The following STARD13 variants were observed in gnomAD, a reference collection of about 807,000 sequenced individuals.
STARD13 encodes the protein StAR related lipid transfer domain containing 13.
Under a neutral mutation model 106.4 loss-of-function variants are expected in STARD13, and 62 were observed. The observed-to-expected ratio is 0.58, with a 90% CI of 0.48 to 0.72. The LOEUF (loss-of-function observed/expected upper bound fraction) is 0.72, where lower values mean the gene tolerates loss of function less well. STARD13 is among the 30% of genes least tolerant of loss of function. STARD13 has a pLI of 0.00. For synonymous variants in STARD13, 565 were observed against 553.0 expected (o/e 1.02, Z -0.31); for missense variants, 1,387 against 1,424.0 (o/e 0.97, Z 0.42).
intron 5 of STARD13, 53 bp from the exon 6 acceptor site, chr13:33,127,599 G>A: frequency 6.7e-7 from 1 of 1,485,854 alleles, no homozygotes; most frequent in Non-Finnish European, 8.9e-7. Context: ...CTTGGTAGCG[G>A]GAAACACGGG....
At chr13:33,438,257 C>T in the STARD13 span, among the ~76,000 whole-genome samples, 7 of 152,210 alleles carry the variant, frequency 4.6e-5, no homozygotes, top group Non-Finnish European at 1.0e-4. Flanking sequence ...ACAGGCTGCT[C>T]ATTAGTGTAA....
At chr13:33,201,607 C>T (rs1312646494) in intron 1 of STARD13, among the ~76,000 whole-genome samples, 4 of 152,196 alleles carry the variant, frequency 2.6e-5, no homozygotes, top group Non-Finnish European at 4.4e-5. Flanking sequence ...TTTGAATCTC[C>T]AGCTCTCCAT....
the STARD13 span, among the ~76,000 whole-genome samples, chr13:33,549,413 A>T: frequency 6.6e-6 from 1 of 152,354 alleles, no homozygotes; most frequent in Admixed American, 6.5e-5. Flanking sequence ...AGAAATACAC[A>T]TTCTTGTCCC....
the STARD13 span, among the ~76,000 whole-genome samples, chr13:33,525,470 AG>A: frequency 4.6e-5 from 7 of 152,130 alleles, no homozygotes; most frequent in African/African-American, 1.4e-4. Context: ...ATATTTCTGA[AG>A]GTTAACTATG....
chr13:33,496,149 TATG>T, the STARD13 span, among the ~76,000 whole-genome samples: 42,445 of 143,360 alleles, frequency 0.3, 7,111 homozygotes, highest in Non-Finnish European at 0.39. Context: ...CATTTTAATT[TATG>T]ATTTTATAAT....
the STARD13 span, among the ~76,000 whole-genome samples, chr13:33,518,988 A>T: frequency 1.3e-5 from 2 of 152,064 alleles, no homozygotes; most frequent in African/African-American, 4.8e-5. Flanking sequence ...CCAAACATCT[A>T]AACCTCCTAG....
intron 10 of STARD13, 104 bp from the exon 11 acceptor site, chr13:33,111,011 G>A (rs1874473917): frequency 1.0e-6 from 1 of 973,194 alleles, no homozygotes; most frequent in East Asian, 2.6e-5. Flanking sequence ...TGAGCCACGG[G>A]CCGAGGGCCA....
At chr13:33,663,991 A>G in the STARD13 span, among the ~76,000 whole-genome samples, 1 of 152,266 alleles carries the variant, frequency 6.6e-6, no homozygotes, top group Non-Finnish European at 1.5e-5. Flanking sequence ...ACGGGAAGGG[A>G]AGCATCCAAA....
intron 1 of STARD13, among the ~76,000 whole-genome samples, chr13:33,260,931 G>A (rs80237139): frequency 4.1e-4 from 62 of 152,214 alleles, no homozygotes; most frequent in African/African-American, 1.3e-3. Flanking sequence ...CGTCCTTCCC[G>A]TCTTCATTAG....
At chr13:33,602,143 G>A in the STARD13 span, among the ~76,000 whole-genome samples, 1 of 150,170 alleles carries the variant, frequency 6.7e-6, no homozygotes, top group Non-Finnish European at 1.5e-5. Flanking sequence ...CCAGGCTGGA[G>A]TGCAGTGACA....
the STARD13 span, among the ~76,000 whole-genome samples, chr13:33,426,658 A>G: frequency 1.3e-4 from 20 of 152,230 alleles, no homozygotes; most frequent in African/African-American, 3.6e-4. Flanking sequence ...CTTTTTATTT[A>G]TTACACTTGA....
At chr13:33,591,546 G>A in the STARD13 span, among the ~76,000 whole-genome samples, 1,015 of 152,264 alleles carry the variant, frequency 6.7e-3, 6 homozygotes, top group African/African-American at 0.023. Flanking sequence ...GAAGGGAGAG[G>A]CATTTTATTT....
the STARD13 span, among the ~76,000 whole-genome samples, chr13:33,526,439 CA>C: frequency 6.6e-6 from 1 of 152,086 alleles, no homozygotes; most frequent in African/African-American, 2.4e-5. Context: ...GGTGAACACT[CA>C]ATACATATTT....
intron 1 of STARD13, among the ~76,000 whole-genome samples, chr13:33,258,567 A>G (rs1890484211): frequency 6.6e-6 from 1 of 152,190 alleles, no homozygotes; most frequent in African/African-American, 2.4e-5. Context: ...AAAACATTTC[A>G]GGCTATTTCT....
At chr13:33,282,622 A>G (rs1891847969) in intron 1 of STARD13, among the ~76,000 whole-genome samples, 1 of 152,250 alleles carries the variant, frequency 6.6e-6, no homozygotes. Flanking sequence ...CTAAAGTAGA[A>G]TAATGCAAAC....
intron 1 of STARD13, among the ~76,000 whole-genome samples, chr13:33,222,176 C>T (rs983205000): frequency 2.6e-5 from 4 of 152,028 alleles, no homozygotes; most frequent in Non-Finnish European, 5.9e-5. Flanking sequence ...CTGACCTATG[C>T]TGCGACATGA....
At position 33,259,050 on chromosome 13, in the gene STARD13, G is replaced by C. The variant is rs796344899; in HGVS notation, c.169+26420C>G. On this transcript the variant is annotated intron_variant, in intron 1 of 13. Transcript: ENST00000336934. ...AGTATGGATTCTGGAGCTCCCCTTG[G>C]ATCCTGCACTAATGCCTACCCTTGT... Among the ~76,000 whole-genome samples, 7 of 152,254 alleles carry C rather than the reference G, an allele frequency of 4.6e-5. No individual in the cohort carries two copies. The South Asian group carries it at 1.4e-3, about 32-fold the overall frequency.
intron 1 of STARD13, among the ~76,000 whole-genome samples, chr13:33,180,918 C>T (rs1594058474): frequency 6.6e-6 from 1 of 152,096 alleles, no homozygotes; most frequent in African/African-American, 2.4e-5. Context: ...AATATCGACA[C>T]ATAATTTTTT....
the STARD13 span, among the ~76,000 whole-genome samples, chr13:33,611,711 A>G: frequency 6.6e-6 from 1 of 152,236 alleles, no homozygotes; most frequent in African/African-American, 2.4e-5. Flanking sequence ...AGGACTTTGA[A>G]TCCATGCCCA....
Sources: allele counts gnomAD v4.1 joint callset (sites outside exome capture counted in the v4.1 genomes callset), GRCh38; gene constraint gnomAD v4.1.1; transcripts MANE v1.5; gene names NCBI Gene and HGNC (gene_info 2026-07-23, HGNC 2026-07-21).